AKT1S1: variants seen among roughly 807,000 people sequenced by gnomAD.
AKT1S1 encodes proline-rich AKT1 substrate 1.
Under a neutral mutation model 21.2 loss-of-function variants are expected in AKT1S1, and 17 were observed. The ratio of observed to expected loss-of-function variants is 0.80; its 90% confidence interval spans 0.55 to 1.20. The LOEUF is 1.20. Among genes scored for constraint, AKT1S1 ranks in the 50% most tolerant of loss-of-function variants. The pLI is 0.00. For missense variants in AKT1S1, 366 were observed against 368.3 expected (o/e 0.99, Z 0.05); for synonymous variants, 181 against 165.6 (o/e 1.09, Z -0.72).
intron 2 of AKT1S1, 83 bp downstream of exon 2, chr19:49,872,834 C>A: frequency 6.8e-7 from 1 of 1,468,956 alleles, no homozygotes; most frequent in South Asian, 1.3e-5. Context: ...GTACTCTGGG[C>A]TAAGCAGGCC....
intron 1 of AKT1S1, chr19:49,875,269 C>T (rs772634823): frequency 6.6e-6 from 1 of 152,114 alleles, no homozygotes; most frequent in Non-Finnish European, 1.5e-5. Flanking sequence ...TTTAGGAGGG[C>T]AGATATTCTA....
At chr19:49,875,799 T>G (rs2074933891) in intron 1 of AKT1S1, 2 of 977,030 alleles carry the variant, frequency 2.0e-6, no homozygotes, top group African/African-American at 3.5e-5. Flanking sequence ...TCCACAGACC[T>G]CTTTGCCAAG....
Position 49,873,662 on chromosome 19 carries a change from A to C in AKT1S1, c.-7-360T>G. On this transcript the variant is annotated intron_variant, in intron 1 of 4. Transcript: ENST00000344175. This position sits in a 1 kb window ranked among gnomAD's most constrained non-coding sequence, Gnocchi z 6.9. ...AGTCCTAGCAGAGAGGCCTCTAACA[A>C]TAAAACCTGCACTGGGTTCTGAAGA... 5 of 233,718 alleles carry C rather than the reference A, an allele frequency of 2.1e-5. No individual in the cohort carries two copies. The highest frequency in any genetic ancestry group is 9.3e-5 in the East Asian group (1 of 10,772). 14.5% of individuals were successfully genotyped at this position (233,718 alleles called of 1,614,324 possible).
At chr19:49,870,703 G>C (rs569843924) in intron 4 of AKT1S1, among the ~76,000 whole-genome samples, 2 of 152,312 alleles carry the variant, frequency 1.3e-5, no homozygotes, top group South Asian at 4.1e-4. Context: ...CCCAGATCAG[G>C]AACTGGACCT....
chr19:49,873,303 C>T lies in AKT1S1; in HGVS notation c.-7-1G>A, dbSNP rs1198521464. 6.7e-7 allele frequency: 1 copy of T among 1,485,688 alleles called. No individual in the cohort carries two copies. Among genetic ancestry groups the T allele is most frequent in the Non-Finnish European group, 8.9e-7 (1 of 1,129,444 alleles). The allele number at this position is 1,485,688 out of a possible 1,614,324, so 92.0% of individuals were successfully genotyped here. A position where few individuals can be genotyped will look rare whatever the true frequency, so the allele number is the denominator to read the frequency against. Reference sequence around the variant, plus strand: ...GGGGCGCCCCGACGCCATCCGCGCCCTGCGGGCCAGAGCAGGACAGAGGGG... The same window carrying T: ...GGGGCGCCCCGACGCCATCCGCGCCTTGCGGGCCAGAGCAGGACAGAGGGG... On this transcript the variant is annotated splice_acceptor_variant, in intron 1 of 4. Coordinates refer to ENST00000344175, the MANE Select transcript of AKT1S1 (RefSeq NM_001098633.4). LOFTEE classifies it low-confidence loss of function (5UTR_SPLICE). This position sits in a 1 kb window ranked among gnomAD's most constrained non-coding sequence, Gnocchi z 6.9.
rs1470756620 is a variant in AKT1S1, at chr19:49,869,910, C to G, written c.*7G>C. On this transcript the variant is annotated 3_prime_UTR_variant, in exon 5 of 5. Transcript: ENST00000344175. ...GGACGCGGCCCGGGGCGCTCCCTCC[C>G]TGGACTTCAATATTTCCGCTTCAGC... is the stretch of plus-strand genomic sequence containing the variant. 1 of 1,507,494 alleles carries G rather than the reference C, an allele frequency of 6.6e-7. No homozygotes were observed. The highest frequency in any genetic ancestry group is 2.0e-5 in the Admixed American group (1 of 49,356). 93.4% of individuals were successfully genotyped at this position (1,507,494 alleles called of 1,614,324 possible).
chr19:49,869,638 C>A lies in AKT1S1; in HGVS notation c.*279G>T, dbSNP rs1308919896. On this transcript the variant is annotated 3_prime_UTR_variant, in exon 5 of 5. Transcript: ENST00000344175. ...AACAAAGGAGTTGACCCATTTAGAGCTTAGAACTCAGCGAGCCAATCCCTT... is the reference window on the plus strand; with the variant it reads ...AACAAAGGAGTTGACCCATTTAGAGATTAGAACTCAGCGAGCCAATCCCTT... The A allele has an allele frequency of 1.6e-5, 6 of 367,402 alleles. No individual in the cohort carries two copies. Among genetic ancestry groups the A allele is most frequent in the Non-Finnish European group, 3.0e-5 (6 of 202,990 alleles). The allele number at this position is 367,402 out of a possible 1,614,324, so 22.8% of individuals were successfully genotyped here.
At position 49,869,824 on chromosome 19, in the gene AKT1S1, C is replaced by T. The variant is rs117054050; in HGVS notation, c.*93G>A. ...ATGGGAGACGCAAGGAGGCCGGTCCCGGATCGGCCTCAGATTAGCAGGCCC... is the reference window on the plus strand; with the variant it reads ...ATGGGAGACGCAAGGAGGCCGGTCCTGGATCGGCCTCAGATTAGCAGGCCC... On this transcript the variant is annotated 3_prime_UTR_variant, in exon 5 of 5. Transcript: ENST00000344175. 3.1e-3 allele frequency: 3,931 copies of T among 1,260,302 alleles called. 85 individuals carry two copies. The East Asian group carries it at 0.066, about 21-fold the overall frequency. The allele number at this position is 1,260,302 out of a possible 1,614,324, so 78.1% of individuals were successfully genotyped here.
upstream of AKT1S1, chr19:49,878,326 G>C: frequency 7.3e-7 from 1 of 1,377,664 alleles, no homozygotes; most frequent in Non-Finnish European, 1.0e-6. Context: ...TAGGAGTTTG[G>C]TCTGGCGGTC....
chr19:49,869,607 GC>G lies in AKT1S1; in HGVS notation c.*309del. 1 of 276,846 alleles carries G rather than the reference GC, an allele frequency of 3.6e-6. No homozygotes were observed. Among genetic ancestry groups the G allele is most frequent in the Non-Finnish European group, 6.8e-6 (1 of 147,738 alleles). 17.1% of individuals were successfully genotyped at this position (276,846 alleles called of 1,614,324 possible). A position where few individuals can be genotyped will look rare whatever the true frequency, so the allele number is the denominator to read the frequency against. On this transcript the variant is annotated 3_prime_UTR_variant, in exon 5 of 5. Transcript: ENST00000344175. Reference sequence around the variant, plus strand: ...GTGCGAGCAAATCCCTTGTCGCTAGGCGGAAAACAAAGGAGTTGACCCATTT... The same window carrying G: ...GTGCGAGCAAATCCCTTGTCGCTAGGGGAAAACAAAGGAGTTGACCCATTT...
rs182050956 is a variant in AKT1S1 at position 49,870,219 on chromosome 19, C to G, written c.628-159G>C. On this transcript the variant is annotated intron_variant, in intron 4 of 4. Transcript: ENST00000344175. ...GCCCACTGCCAGCAGTGCCCCTCCC[C>G]GTCTTGCTCCACGTAGGAACCCTTC... is the stretch of plus-strand genomic sequence containing the variant. 2.3e-3 allele frequency among the ~76,000 whole-genome samples: 357 copies of G among 152,352 alleles called. 2 individuals carry two copies. The highest frequency in any genetic ancestry group is 8.2e-3 in the African/African-American group (340 of 41,580).
chr19:49,873,234 C>A lies in AKT1S1; in HGVS notation c.62G>T (p.Arg21Leu). Residue 21 changes from arginine to leucine, a missense_variant, in exon 2 of 5, where the codon CGG (arginine) becomes CTG (leucine). By Grantham distance (102) the Arg-to-Leu change is moderately radical. Coordinates refer to ENST00000344175, the MANE Select transcript of AKT1S1 (RefSeq NM_001098633.4). This position sits in a 1 kb window ranked among gnomAD's most constrained non-coding sequence, Gnocchi z 6.9. ...CACCAGCTCCGTGCCAGTCCGGGCC[C>A]GGAAGCGCTCAGCGGCCCCCACCAC... ...EAVVGAAERFRARTGTELVLL... is the reference protein window; with the variant it reads ...EAVVGAAERFLARTGTELVLL... 1 of 1,537,264 alleles carries A rather than the reference C, an allele frequency of 6.5e-7. No individual in the cohort carries two copies. Among genetic ancestry groups the A allele is most frequent in the East Asian group, 2.5e-5 (1 of 39,840 alleles).
upstream of AKT1S1, chr19:49,877,957 G>A (rs1436321240): frequency 1.8e-4 from 126 of 714,574 alleles, no homozygotes; most frequent in South Asian, 2.3e-3. Flanking sequence ...CTTGAGCCCT[G>A]CCCCCTGTGG....
chr19:49,869,810 A>C lies in AKT1S1; in HGVS notation c.*107T>G. On this transcript the variant is annotated 3_prime_UTR_variant, in exon 5 of 5. Coordinates refer to ENST00000344175, the MANE Select transcript of AKT1S1 (RefSeq NM_001098633.4). ...GGACAATCTTGGGAATGGGAGACGC[A>C]AGGAGGCCGGTCCCGGATCGGCCTC... 8.3e-7 allele frequency: 1 copy of C among 1,204,716 alleles called. No homozygotes were observed. The highest frequency in any genetic ancestry group is 2.2e-5 in the South Asian group (1 of 44,522). The allele number at this position is 1,204,716 out of a possible 1,614,324, so 74.6% of individuals were successfully genotyped here.
rs909315978 is a variant in AKT1S1 at position 49,869,666 on chromosome 19, T to C, written c.*251A>G. 7 of 412,398 alleles carry C rather than the reference T, an allele frequency of 1.7e-5. No homozygotes were observed. The highest frequency in any genetic ancestry group is 1.0e-4 in the African/African-American group (5 of 48,358). The allele number at this position is 412,398 out of a possible 1,614,324, so 25.5% of individuals were successfully genotyped here. On this transcript the variant is annotated 3_prime_UTR_variant, in exon 5 of 5. Coordinates refer to ENST00000344175, the MANE Select transcript of AKT1S1 (RefSeq NM_001098633.4). ...AGAACTCAGCGAGCCAATCCCTTAA[T>C]AGAAGGAATCTGTCGCTAGGCGGAG...
At chr19:49,870,740 G>A (rs1343173074) in intron 4 of AKT1S1, among the ~76,000 whole-genome samples, 2 of 152,210 alleles carry the variant, frequency 1.3e-5, no homozygotes, top group Non-Finnish European at 2.9e-5. Context: ...CAGCCCCCGG[G>A]CACAGCACGC....
chr19:49,876,653 C>A, intron 1 of AKT1S1: 1 of 1,500,752 alleles, frequency 6.7e-7, no homozygotes, highest in South Asian at 1.3e-5. Context: ...CCTCAAAAGA[C>A]ATGGCGGCGC....
chr19:49,877,273 C>G lies in AKT1S1; in HGVS notation c.-44G>C, dbSNP rs2074960160. The G allele has an allele frequency of 5.8e-6, 1 of 172,336 alleles. No individual in the cohort carries two copies. Among genetic ancestry groups the G allele is most frequent in the Non-Finnish European group, 1.2e-5 (1 of 80,472 alleles). The allele number at this position is 172,336 out of a possible 1,614,324, so 10.7% of individuals were successfully genotyped here. On this transcript the variant is annotated 5_prime_UTR_variant, in exon 1 of 5. Coordinates refer to ENST00000344175, the MANE Select transcript of AKT1S1 (RefSeq NM_001098633.4). ...TTATCCGTTCGGCTCTTCCAGCTGT[C>G]GCGCCCCGCAGAGAGATGGGACAGC...
upstream of AKT1S1, chr19:49,877,596 G>C: frequency 1.0e-6 from 1 of 991,540 alleles, no homozygotes; most frequent in South Asian, 1.7e-5. Flanking sequence ...GGTTTCACCC[G>C]CTCCTTCTCT....
Sources: allele counts gnomAD v4.1 joint callset (sites outside exome capture counted in the v4.1 genomes callset), GRCh38; gene constraint gnomAD v4.1.1; non-coding constraint Gnocchi (gnomAD v3.1); transcripts MANE v1.5; gene names NCBI Gene and HGNC (gene_info 2026-07-23, HGNC 2026-07-21).